LIMCH1: variants seen among roughly 807,000 people sequenced by gnomAD.
The protein encoded by LIMCH1 is LIM and calponin homology domains-containing protein 1.
In LIMCH1, 113 loss-of-function variants were observed where a neutral mutation model predicts 176.5. That is an observed-to-expected ratio of 0.64 (90% CI 0.55 to 0.75). The LOEUF (loss-of-function observed/expected upper bound fraction) is 0.75. Ranked by LOEUF, LIMCH1 falls within the 30% of genes least tolerant of loss-of-function variation. The pLI is 0.00. For synonymous variants in LIMCH1, 619 were observed against 645.9 expected (o/e 0.96, Z 0.63); for missense variants, 1,674 against 1,814.9 (o/e 0.92, Z 1.41).
chr4:41,533,817 G>A (rs1397408912), upstream of LIMCH1, among the ~76,000 whole-genome samples: 1 of 152,180 alleles, frequency 6.6e-6, no homozygotes, highest in Non-Finnish European at 1.5e-5. Context: ...TGGAGTTAGA[G>A]GAAGAACAAC....
chr4:41,674,418 C>G (rs183143477), intron 22 of LIMCH1, among the ~76,000 whole-genome samples: 12 of 152,304 alleles, frequency 7.9e-5, no homozygotes, highest in Admixed American at 7.2e-4. Context: ...TAAACCACCT[C>G]GAAGTTCTGG....
At chr4:41,581,891 A>T (rs1386205336) in intron 1 of LIMCH1, among the ~76,000 whole-genome samples, 1 of 151,270 alleles carries the variant, frequency 6.6e-6, no homozygotes, top group Non-Finnish European at 1.5e-5. Flanking sequence ...GGCCTATTTC[A>T]CTTGGCATAA....
chr4:41,595,124 G>A (rs572707315), intron 1 of LIMCH1, among the ~76,000 whole-genome samples: 2 of 152,292 alleles, frequency 1.3e-5, no homozygotes, highest in South Asian at 4.1e-4. Flanking sequence ...AGTGGTGCAC[G>A]TGTTTTTGAA....
intron 26 of LIMCH1, among the ~76,000 whole-genome samples, 184 bp from the exon 27 acceptor site, chr4:41,684,213 G>A (rs1313883010): frequency 6.6e-6 from 1 of 152,140 alleles, no homozygotes; most frequent in Non-Finnish European, 1.5e-5. Context: ...CTTGTTAAAT[G>A]GGTGGATAAT....
rs138971090 is a variant in LIMCH1, at chr4:41,442,946, T to C, written c.97-51590T>C. On this transcript the variant is annotated intron_variant, in intron 1 of 26. Coordinates refer to the LIMCH1 transcript ENST00000313860. ...ATACAAATGTACTGTGTGATTCTTT[T>C]GTGTAGCTGTTTGTTTAGCAATTCA... is the stretch of plus-strand genomic sequence containing the variant. Among the ~76,000 whole-genome samples the C allele has an allele frequency of 3.5e-3, 533 of 152,340 alleles. 3 individuals carry two copies. The highest frequency in any genetic ancestry group is 0.012 in the African/African-American group (495 of 41,580).
At chr4:41,588,687 C>A (rs1554114157) in intron 1 of LIMCH1, among the ~76,000 whole-genome samples, 2 of 152,222 alleles carry the variant, frequency 1.3e-5, no homozygotes, top group South Asian at 2.1e-4. Flanking sequence ...GTTTGCCAAT[C>A]CTCAATCCTG....
chr4:41,530,043 AG>A (rs2077089226), intron 3 of LIMCH1, among the ~76,000 whole-genome samples: 1 of 152,236 alleles, frequency 6.6e-6, no homozygotes, highest in Admixed American at 6.5e-5. Flanking sequence ...AGTTTCCATA[AG>A]TTCTTTAGAC....
At chr4:41,595,364 A>C (rs978326051) in intron 1 of LIMCH1, among the ~76,000 whole-genome samples, 2 of 151,880 alleles carry the variant, frequency 1.3e-5, no homozygotes, top group Non-Finnish European at 2.9e-5. Flanking sequence ...AGGCGGGAAA[A>C]GGAATTGCCA....
rs769574936 is a variant in LIMCH1 at position 41,619,210 on chromosome 4, C to T, written c.228C>T (p.Ser76=). The part of the protein sequence containing the change: ...SSDGRGSDSE[S]DLPHRKLPDV... The stretch of plus-strand genomic sequence containing the variant: ...TAGGGAGAGGAAGCGACTCTGAATC[C>T]GACTTGCCTCATCGGAAGCTGCCAG... Residue 76 remains serine (S), a synonymous_variant, in exon 6 of 32, where the codon TCC becomes TCT. Transcript: ENST00000503057. 1.5e-5 allele frequency: 25 copies of T among 1,614,030 alleles called. No individual in the cohort carries two copies. The highest frequency in any genetic ancestry group is 1.7e-5 in the Admixed American group (1 of 59,998).
At chr4:41,679,928 A>C (rs1714271606) in intron 23 of LIMCH1, 78 bp from the exon 24 acceptor site, 6 of 843,198 alleles carry the variant, frequency 7.1e-6, no homozygotes, top group South Asian at 6.1e-5. Flanking sequence ...CATATTGTAC[A>C]TGGTGGTTTA....
intron 8 of LIMCH1, 134 bp from the exon 9 acceptor site, chr4:41,629,358 G>T (rs2093176797): frequency 6.5e-6 from 7 of 1,069,592 alleles, no homozygotes; most frequent in African/African-American, 6.4e-5. Flanking sequence ...CCATTTTTGA[G>T]AAAGAGAAAA....
intron 1 of LIMCH1, chr4:41,551,285 A>G (rs2080377508): frequency 1.3e-5 from 2 of 152,224 alleles, no homozygotes; most frequent in Admixed American, 6.5e-5. Flanking sequence ...TTTCATAATT[A>G]TGGATATTTA....
At chr4:41,631,865 A>G (rs1464811410) in intron 10 of LIMCH1, among the ~76,000 whole-genome samples, 1 of 152,198 alleles carries the variant, frequency 6.6e-6, no homozygotes, top group African/African-American at 2.4e-5. Context: ...TAGAGAGAGA[A>G]AGAAAAAGTT....
At chr4:41,476,896 A>G (rs1159801425) in intron 1 of LIMCH1, among the ~76,000 whole-genome samples, 1 of 152,232 alleles carries the variant, frequency 6.6e-6, no homozygotes, top group African/African-American at 2.4e-5. Context: ...GAGTGAATTG[A>G]CAATAAATGC....
chr4:41,696,246 G>A (rs1246406832), intron 31 of LIMCH1, among the ~76,000 whole-genome samples: 2 of 152,134 alleles, frequency 1.3e-5, no homozygotes, highest in African/African-American at 2.4e-5. Flanking sequence ...CATACATCAA[G>A]CCGTCACATG....
intron 1 of LIMCH1, among the ~76,000 whole-genome samples, chr4:41,439,163 C>G (rs571098350): frequency 6.6e-6 from 1 of 152,290 alleles, no homozygotes; most frequent in Admixed American, 6.5e-5. Flanking sequence ...AAGTCATGTT[C>G]TGATTCAGTA....
chr4:41,506,665 A>G (rs1426648220), intron 2 of LIMCH1, among the ~76,000 whole-genome samples: 2 of 152,216 alleles, frequency 1.3e-5, no homozygotes, highest in Non-Finnish European at 2.9e-5. Flanking sequence ...GGAGACAGTT[A>G]ATTGGGGAGA....
chr4:41,539,225 A>G (rs2078311371), intron 1 of LIMCH1, among the ~76,000 whole-genome samples: 1 of 152,160 alleles, frequency 6.6e-6, no homozygotes, highest in South Asian at 2.1e-4. Flanking sequence ...ACTGAGCTAC[A>G]GCCGTTTTCT....
chr4:41,435,421 A>G (rs2061986326), intron 1 of LIMCH1, among the ~76,000 whole-genome samples: 1 of 152,226 alleles, frequency 6.6e-6, no homozygotes, highest in Non-Finnish European at 1.5e-5. Context: ...ACATCTGGAC[A>G]TTAAATTTCC....
Sources: allele counts gnomAD v4.1 joint callset (sites outside exome capture counted in the v4.1 genomes callset), GRCh38; gene constraint gnomAD v4.1.1; transcripts MANE v1.5; gene names NCBI Gene and HGNC (gene_info 2026-07-23, HGNC 2026-07-21).